Variants in PRKCA observed in about 807,000 individuals in gnomAD.
The protein encoded by PRKCA is protein kinase C alpha, also known as protein kinase C alpha type.
A neutral mutation model predicts 87.0 loss-of-function variants in PRKCA; 27 were observed. The ratio of observed to expected loss-of-function variants is 0.31; its 90% CI spans 0.23 to 0.43. PRKCA has a LOEUF of 0.43. PRKCA is among the 20% of genes least tolerant of loss of function. The probability of loss-of-function intolerance (pLI) is 1.00; values close to 1 mark genes in which losing one functional copy is unlikely to be tolerated. For missense variants in PRKCA, 518 were observed against 852.3 expected, an observed-to-expected ratio of 0.61 and a Z score of 4.88; for synonymous variants, 329 against 311.1, an observed-to-expected ratio of 1.06 and a Z score of -0.61.
intron 3 of PRKCA, among the ~76,000 whole-genome samples, chr17:66,500,903 GA>G (rs201084374): frequency 2.0e-5 from 3 of 151,234 alleles, no homozygotes; most frequent in African/African-American, 7.3e-5. Context: ...GAATTTAAGA[GA>G]AAAAAAACTG....
At chr17:66,438,227 G>A (rs1246911494) in intron 2 of PRKCA, among the ~76,000 whole-genome samples, 1 of 152,176 alleles carries the variant, frequency 6.6e-6, no homozygotes, top group Non-Finnish European at 1.5e-5. Context: ...CCCCGCACTT[G>A]CTTGGCAGTG....
At chr17:66,322,644 T>C (rs1598590183) in intron 2 of PRKCA, among the ~76,000 whole-genome samples, 1 of 150,232 alleles carries the variant, frequency 6.7e-6, no homozygotes, top group African/African-American at 2.4e-5. Flanking sequence ...TAATTGTTTT[T>C]TTTTTTTTTT....
intron 3 of PRKCA, among the ~76,000 whole-genome samples, chr17:66,565,333 T>C (rs762223810): frequency 6.6e-6 from 1 of 152,214 alleles, no homozygotes. Context: ...AAAGCTGCTC[T>C]AAAGTTCAAT....
chr17:66,691,038 A>G (rs1972771458), intron 8 of PRKCA, among the ~76,000 whole-genome samples: 1 of 150,422 alleles, frequency 6.6e-6, no homozygotes, highest in African/African-American at 2.5e-5. Context: ...GAATCACTTG[A>G]ACCTGGGCAC....
At chr17:66,352,155 A>G (rs890831824) in intron 2 of PRKCA, among the ~76,000 whole-genome samples, 1 of 152,216 alleles carries the variant, frequency 6.6e-6, no homozygotes, top group Admixed American at 6.5e-5. Flanking sequence ...GGCTGACGTG[A>G]GATCCCAGAG....
intron 3 of PRKCA, among the ~76,000 whole-genome samples, chr17:66,594,369 C>T (rs558320874): frequency 6.6e-6 from 1 of 152,204 alleles, no homozygotes; most frequent in East Asian, 1.9e-4. Flanking sequence ...AACTTTCGGC[C>T]CCTGCTTGAT....
At chr17:66,427,880 C>A (rs1342073910) in intron 2 of PRKCA, among the ~76,000 whole-genome samples, 1 of 152,108 alleles carries the variant, frequency 6.6e-6, no homozygotes, top group Non-Finnish European at 1.5e-5. Context: ...CTTGATGGTC[C>A]TAGATTATGA....
intron 2 of PRKCA, among the ~76,000 whole-genome samples, chr17:66,324,896 T>A (rs1343914949): frequency 1.3e-5 from 2 of 152,196 alleles, no homozygotes; most frequent in Non-Finnish European, 2.9e-5. Flanking sequence ...TACATATTGG[T>A]TGATTGGAAC....
At chr17:66,548,959 C>T (rs1968240953) in intron 3 of PRKCA, among the ~76,000 whole-genome samples, 1 of 151,974 alleles carries the variant, frequency 6.6e-6, no homozygotes, top group African/African-American at 2.4e-5. Context: ...AAGTGCACTA[C>T]CACACCCAGC....
chr17:66,373,379 G>A (rs1909227102), intron 2 of PRKCA, among the ~76,000 whole-genome samples: 1 of 152,164 alleles, frequency 6.6e-6, no homozygotes, highest in African/African-American at 2.4e-5. Context: ...GAGGGTAAGT[G>A]ACTTGTCCAA....
Position 66,454,957 on chromosome 17 carries a change from G to A in PRKCA, c.206-41244G>A, listed in dbSNP as rs74523476. ...AGGTGAGGGCAGGTGCCTGACCACA[G>A]GATGGAAGGGCCGGCAGATGGCGGA... is the stretch of plus-strand genomic sequence containing the variant. On this transcript the variant is annotated intron_variant, in intron 2 of 16. Transcript: ENST00000413366. Among the ~76,000 whole-genome samples the A allele has an allele frequency of 3.6e-3, 546 of 152,334 alleles. 3 individuals are homozygous for A. Among genetic ancestry groups the A allele is most frequent in the African/African-American group, 0.012 (511 of 41,578 alleles).
chr17:66,789,746 G>A (rs1469190236), intron 16 of PRKCA, among the ~76,000 whole-genome samples: 14 of 152,202 alleles, frequency 9.2e-5, no homozygotes, highest in Non-Finnish European at 1.3e-4. Context: ...ACGAGTCTTT[G>A]TCCTCACCTA....
intron 3 of PRKCA, among the ~76,000 whole-genome samples, chr17:66,585,339 C>T (rs757342077): frequency 1.3e-5 from 2 of 152,164 alleles, no homozygotes; most frequent in African/African-American, 2.4e-5. Flanking sequence ...GCAGAGCTGC[C>T]GGCATTCACC....
At chr17:66,652,705 A>T (rs1331952336) in intron 5 of PRKCA, among the ~76,000 whole-genome samples, 1 of 152,150 alleles carries the variant, frequency 6.6e-6, no homozygotes, top group Non-Finnish European at 1.5e-5. Context: ...TTGGGCAATG[A>T]TATCTATGTC....
At chr17:66,722,244 T>C (rs1359621989) in intron 8 of PRKCA, among the ~76,000 whole-genome samples, 1 of 152,232 alleles carries the variant, frequency 6.6e-6, no homozygotes, top group African/African-American at 2.4e-5. Context: ...CCTTTGAAAT[T>C]GCTGTTAAGG....
rs1266751361 is a variant in PRKCA, at chr17:66,455,242, A to G, written c.206-40959A>G. ...CAATACATGACCGAATTTGGAGCCTAGTTCTTTTTGGCAAGAAAAGTTCAT... is the reference window on the plus strand; with the variant it reads ...CAATACATGACCGAATTTGGAGCCTGGTTCTTTTTGGCAAGAAAAGTTCAT... On this transcript the variant is annotated intron_variant, in intron 2 of 16. Transcript: ENST00000413366. 6.6e-5 allele frequency among the ~76,000 whole-genome samples: 10 copies of G among 152,310 alleles called. No individual in the cohort carries two copies. The South Asian group carries it at 2.1e-3, about 32-fold the overall frequency.
intron 2 of PRKCA, among the ~76,000 whole-genome samples, chr17:66,332,100 A>G (rs1783353946): frequency 6.6e-6 from 1 of 151,880 alleles, no homozygotes; most frequent in African/African-American, 2.4e-5. Flanking sequence ...TACCCCATTC[A>G]TAATAGGATG....
chr17:66,416,923 C>T (rs1349935555), intron 2 of PRKCA: 3 of 156,686 alleles, frequency 1.9e-5, no homozygotes, highest in African/African-American at 4.8e-5. Flanking sequence ...GGTGGGTGGG[C>T]GGTCTCGCTC....
At chr17:66,662,829 T>C (rs141194333) in intron 5 of PRKCA, among the ~76,000 whole-genome samples, 164 of 152,288 alleles carry the variant, frequency 1.1e-3, no homozygotes, top group African/African-American at 2.6e-3. Flanking sequence ...TCCTGTTTTA[T>C]CTCTCTCTCC....
Sources: gnomAD v4.1 joint callset for allele counts (sites outside exome capture counted in the v4.1 genomes callset) on GRCh38, gnomAD v4.1.1 for gene constraint, MANE v1.5 for transcripts, NCBI Gene and HGNC (gene_info 2026-07-23, HGNC 2026-07-21) for gene names.